The following TACC3 variants were observed in gnomAD, a reference collection of about 807,000 sequenced individuals.
TACC3 encodes transforming acidic coiled-coil-containing protein 3.
A neutral mutation model predicts 86.0 loss-of-function variants in TACC3; 52 were observed. The observed-to-expected ratio is 0.60, with a 90% confidence interval of 0.48 to 0.76. The LOEUF is 0.76. TACC3 is among the 30% of genes least tolerant of loss of function. TACC3 has a pLI of 0.00. For missense variants in TACC3, 1,120 were observed against 1,070.4 expected, an observed-to-expected ratio of 1.05 and a Z score of -0.65; for synonymous variants, 512 against 430.0, an observed-to-expected ratio of 1.19 and a Z score of -2.36.
chr4:1,725,520 G>A (rs1468984776), intron 3 of TACC3, among the ~76,000 whole-genome samples: 1 of 152,220 alleles, frequency 6.6e-6, no homozygotes, highest in African/African-American at 2.4e-5. Context: ...CCCCAAGAAG[G>A]AAGGGAGACC....
intron 12 of TACC3, 98 bp from the exon 13 acceptor site, chr4:1,740,728 C>G: frequency 8.9e-7 from 1 of 1,122,078 alleles, no homozygotes; most frequent in Non-Finnish European, 1.3e-6. Context: ...ACCTCTCCTC[C>G]TGGCGCTCGA....
At chr4:1,727,344 G>A (rs1230735978) in intron 3 of TACC3, among the ~76,000 whole-genome samples, 2 of 152,214 alleles carry the variant, frequency 1.3e-5, no homozygotes. Flanking sequence ...TGCTGTTTGG[G>A]TGGCAGAGGC....
chr4:1,728,693 C>T lies in TACC3; in HGVS notation c.1291C>T (p.Pro431Ser), dbSNP rs199671695. The change falls in exon 4 of 16, where the codon CCC becomes TCC. Residue 431 changes from proline (P) to serine (S), a missense_variant. By Grantham distance (74) the Pro-to-Ser change is moderately conservative. Transcript: ENST00000313288. ...CAAGTCTGGTTGCAGTGAGGCCCAGCCCCCAGAAAGCCCTGAGACCAGGCT... is the reference window on the plus strand; with the variant it reads ...CAAGTCTGGTTGCAGTGAGGCCCAGTCCCCAGAAAGCCCTGAGACCAGGCT... ...DTKSGCSEAQ[P>S]PESPETRLGQ... is the part of the protein sequence containing the mutation. The T allele has an allele frequency of 1.2e-6, 2 of 1,613,658 alleles. No homozygotes were observed. The highest frequency in any genetic ancestry group is 8.5e-7 in the Non-Finnish European group (1 of 1,180,008).
Position 1,728,280 on chromosome 4 carries a change from G to T in TACC3, c.878G>T (p.Cys293Phe), listed in dbSNP as rs772523787. The change falls in exon 4 of 16, where the codon TGT becomes TTT. Residue 293 changes from cysteine to phenylalanine, a missense_variant. Transcript: ENST00000313288. ...GCAGATGGCACTCAGACCCTTACCTGTGCACACACCTCTGCTCCTGAGAGC... is the reference window on the plus strand; with the variant it reads ...GCAGATGGCACTCAGACCCTTACCTTTGCACACACCTCTGCTCCTGAGAGC... ...VPADGTQTLT[C>F]AHTSAPESTA... 3.2e-5 allele frequency: 51 copies of T among 1,612,614 alleles called. 1 individual carries two copies. The South Asian group carries it at 4.3e-4, about 14-fold the overall frequency.
rs1717759917 is a variant in TACC3, at chr4:1,727,734, C to T, written c.332C>T (p.Ala111Val). ...CAACAGCTCATCAAGGAAGTGGATG[C>T]CAAAACTACTCATGGAATTCTACAG... The part of the protein sequence containing the change: ...ENQQLIKEVD[A>V]KTTHGILQKP... Residue 111 changes from alanine (A) to valine (V), a missense_variant, in exon 4 of 16, where the codon GCC (alanine) becomes GTC (valine). Physicochemically the swap from Ala to Val is moderately conservative, Grantham distance 64 (BLOSUM62 0). Transcript: ENST00000313288. The T allele has an allele frequency of 1.3e-6, 2 of 1,592,836 alleles. No homozygotes were observed. The highest frequency in any genetic ancestry group is 2.7e-5 in the African/African-American group (2 of 74,292).
upstream of TACC3, chr4:1,720,780 C>T (rs924940922): frequency 1.9e-6 from 3 of 1,594,506 alleles, no homozygotes; most frequent in African/African-American, 2.7e-5. The surrounding 1 kb of genome is among the most constrained non-coding windows in gnomAD (Gnocchi z 4.4). Context: ...GGCGTGAACA[C>T]GAAGCACACG....
chr4:1,728,601 G>A lies in TACC3; in HGVS notation c.1199G>A (p.Arg400Gln), dbSNP rs144517485. The change falls in exon 4 of 16, where the codon CGG becomes CAG. Residue 400 changes from arginine (R) to glutamine (Q), a missense_variant. Physicochemically the swap from Arg to Gln is conservative, Grantham distance 43 (BLOSUM62 1). Coordinates refer to ENST00000313288, the MANE Select transcript of TACC3 (RefSeq NM_006342.3). ...AGEDPPMPASRGSYHLDWDKM... is the reference protein window; with the variant it reads ...AGEDPPMPASQGSYHLDWDKM... ...GAGGACCCCCCCATGCCAGCTTCTC[G>A]GGGCTCTTACCACCTCGACTGGGAC... 243 of 1,613,908 alleles carry A rather than the reference G, an allele frequency of 1.5e-4. No individual in the cohort carries two copies. In the African/African-American group the frequency reaches 2.9e-3, roughly 19 times the overall value.
rs1340078850 is a variant in TACC3 at position 1,728,401 on chromosome 4, C to T, written c.999C>T (p.Ser333=). Residue 333 remains serine (S), a synonymous_variant, in exon 4 of 16, where the codon AGC becomes AGT. Transcript: ENST00000313288. The part of the protein sequence containing the change: ...AAGQMASSSR[S]GPVKLEFDVS... ...GCCAAATGGCCAGCTCCTCGAGGAG[C>T]GGACCTGTAAAACTAGAATTTGATG... The T allele has an allele frequency of 5.6e-6, 9 of 1,613,100 alleles. No individual in the cohort carries two copies. Among genetic ancestry groups the T allele is most frequent in the East Asian group, 2.2e-5 (1 of 44,902 alleles).
chr4:1,722,840 G>T (rs1717479217), intron 1 of TACC3, among the ~76,000 whole-genome samples: 2 of 152,204 alleles, frequency 1.3e-5, no homozygotes, highest in Admixed American at 6.5e-5. Flanking sequence ...CTGTTGCTCA[G>T]CTCTGGGCTT....
At chr4:1,722,763 G>A (rs781055766) in intron 1 of TACC3, among the ~76,000 whole-genome samples, 3 of 152,186 alleles carry the variant, frequency 2.0e-5, no homozygotes, top group African/African-American at 7.2e-5. Flanking sequence ...GGTGACCGGC[G>A]TGAGGACCTG....
In TACC3 at chr4:1,722,012, C is replaced by G. The variant is rs116100549; in HGVS notation, c.-2+369C>G. 1,032 of 152,392 alleles carry G rather than the reference C, an allele frequency of 6.8e-3. 8 individuals carry two copies. Among genetic ancestry groups the G allele is most frequent in the Non-Finnish European group, 0.011 (753 of 68,124 alleles). 9.4% of individuals were successfully genotyped at this position (152,392 alleles called of 1,614,324 possible). On this transcript the variant is annotated intron_variant, in intron 1 of 15. Coordinates refer to ENST00000313288, the MANE Select transcript of TACC3 (RefSeq NM_006342.3). ...GCGGACCCTCCTGTTGTTCTTTGGT[C>G]CCTTCCGGCCTCCGTCCTGGGGCCA...
chr4:1,722,126 T>C (rs567066582), intron 1 of TACC3, among the ~76,000 whole-genome samples: 1 of 152,134 alleles, frequency 6.6e-6, no homozygotes, highest in African/African-American at 2.4e-5. Flanking sequence ...CCGCACCGCA[T>C]CCCTCTTGTG....
At position 1,737,330 on chromosome 4, in the gene TACC3, T is replaced by C; in HGVS notation, c.1836+2T>C. 1 of 1,613,734 alleles carries C rather than the reference T, an allele frequency of 6.2e-7. No homozygotes were observed. Among genetic ancestry groups the C allele is most frequent in the Non-Finnish European group, 8.5e-7 (1 of 1,179,682 alleles). The stretch of plus-strand genomic sequence containing the variant: ...TTCTTGGGAGCACTGGACATTCCTG[T>C]AAGTCCTTGAGTCCCTCTTGAACTG... On this transcript the variant is annotated splice_donor_variant, in intron 9 of 15. Transcript: ENST00000313288. LOFTEE classifies it high-confidence loss of function.
At chr4:1,729,831 G>A (rs951114194) in intron 4 of TACC3, among the ~76,000 whole-genome samples, 3 of 152,148 alleles carry the variant, frequency 2.0e-5, no homozygotes, top group Admixed American at 6.5e-5. Context: ...TCTAATTAAC[G>A]GGTGCCTTCC....
In TACC3 at chr4:1,744,759, C is replaced by T. The variant is rs774956833; in HGVS notation, c.2378C>T (p.Ala793Val). The change falls in exon 15 of 16, where the codon GCG (alanine) becomes GTG (valine). Residue 793 changes from alanine to valine, a missense_variant. Transcript: ENST00000313288. ...AQVRSKAQAE[A>V]LALQASLRKE... Reference sequence around the variant, plus strand: ...GTCCGGAGCAAGGCCCAGGCGGAAGCGTTGGCCCTCCAGGCCAGCCTGAGG... The same window carrying T: ...GTCCGGAGCAAGGCCCAGGCGGAAGTGTTGGCCCTCCAGGCCAGCCTGAGG... The T allele has an allele frequency of 6.8e-6, 11 of 1,612,590 alleles. No individual in the cohort carries two copies. Among genetic ancestry groups the T allele is most frequent in the Middle Eastern group, 1.6e-4 (1 of 6,082 alleles).
At position 1,737,285 on chromosome 4, in the gene TACC3, C is replaced by G. The variant is rs199899542; in HGVS notation, c.1793C>G (p.Ala598Gly). ...ACTCCCTCAGGACGTCCGCGGGAAG[C>G]CAAGCTTGTGGAGTTCGATTTCTTG... The part of the protein sequence containing the change: ...NETPSGRPRE[A>G]KLVEFDFLGA... The change falls in exon 9 of 16, where the codon GCC becomes GGC. Residue 598 changes from alanine to glycine, a missense_variant. Ala to Gly is a moderately conservative substitution (Grantham distance 60). Transcript: ENST00000313288. The G allele has an allele frequency of 9.2e-5, 149 of 1,614,156 alleles. No individual in the cohort carries two copies. The East Asian group carries it at 3.3e-3, about 35-fold the overall frequency.
At position 1,735,713 on chromosome 4, in the gene TACC3, T is replaced by C. The variant is rs965528806; in HGVS notation, c.1645-18T>C. ...GGGGATGGCAGTCAGACCTGATCAC[T>C]TGCCCTCTTGTCCCCAGTTTAAGGA... On this transcript the variant is annotated intron_variant, in intron 7 of 15. Transcript: ENST00000313288. This position sits in a 1 kb window ranked among gnomAD's most constrained non-coding sequence, Gnocchi z 4.2. 2 of 1,596,704 alleles carry C rather than the reference T, an allele frequency of 1.3e-6. No individual in the cohort carries two copies. The highest frequency in any genetic ancestry group is 1.7e-6 in the Non-Finnish European group (2 of 1,165,344).
intron 13 of TACC3, 40 bp downstream of exon 13, chr4:1,741,026 G>C: frequency 6.4e-7 from 1 of 1,564,462 alleles, no homozygotes; most frequent in Non-Finnish European, 8.6e-7. Context: ...CTCGGAGGCT[G>C]ATGGACTCAT....
At position 1,730,970 on chromosome 4, in the gene TACC3, G is replaced by C; in HGVS notation, c.1461+8G>C. On this transcript the variant is annotated splice_region_variant and intron_variant, in intron 5 of 15. Coordinates refer to ENST00000313288, the MANE Select transcript of TACC3 (RefSeq NM_006342.3). ...CCAACAGCAGAGAGCAAGGTAAGGG[G>C]TGCTTGTGTGGGTACCTGTGCTCCT... The C allele has an allele frequency of 6.2e-7, 1 of 1,613,430 alleles. No individual in the cohort carries two copies. The highest frequency in any genetic ancestry group is 8.5e-7 in the Non-Finnish European group (1 of 1,179,998).
Sources: allele counts gnomAD v4.1 joint callset (sites outside exome capture counted in the v4.1 genomes callset), GRCh38; gene constraint gnomAD v4.1.1; non-coding constraint Gnocchi (gnomAD v3.1); transcripts MANE v1.5; gene names NCBI Gene and HGNC (gene_info 2026-07-23, HGNC 2026-07-21).